MYL1: variants seen among roughly 807,000 people sequenced by gnomAD.
The protein encoded by MYL1 is myosin light chain 1/3, skeletal muscle isoform.
A neutral mutation model predicts 21.8 loss-of-function variants in MYL1; 16 were observed. That is an observed-to-expected ratio of 0.74 (90% CI 0.50 to 1.12). The LOEUF (loss-of-function observed/expected upper bound fraction) is 1.12, where lower values mean the gene tolerates loss of function less well. MYL1 is among the 50% of genes most tolerant of loss of function. The pLI is 0.00. For missense variants in MYL1, 246 were observed against 241.0 expected (o/e 1.02, Z -0.14); for synonymous variants, 99 against 85.2 (o/e 1.16, Z -0.89).
At chr2:210,307,915 G>T (rs926528258) in intron 1 of MYL1, among the ~76,000 whole-genome samples, 1 of 152,008 alleles carries the variant, frequency 6.6e-6, no homozygotes, top group Non-Finnish European at 1.5e-5. Context: ...ATATTAAAAC[G>T]CTGTTAATCA....
chr2:210,307,824 T>C (rs185592524), intron 1 of MYL1, among the ~76,000 whole-genome samples: 156 of 152,326 alleles, frequency 1.0e-3, no homozygotes, highest in African/African-American at 3.5e-3. Context: ...AGATAATGTA[T>C]ATATTAGGTT....
rs36073440 is a variant in MYL1, at chr2:210,296,991, TTGTG to T, written c.304+1425_304+1428del. Reference sequence around the variant, plus strand: ...TTTTTTATGGTTAAATAGTATTCCATTGTGTGTGTGTGTGTGTGTGTGTGTACAT... The same window carrying T: ...TTTTTTATGGTTAAATAGTATTCCATTGTGTGTGTGTGTGTGTGTGTACAT... On this transcript the variant is annotated intron_variant, in intron 3 of 6. Transcript: ENST00000352451. 4.5e-3 allele frequency among the ~76,000 whole-genome samples: 641 copies of T among 143,160 alleles called. 5 individuals carry two copies. The highest frequency in any genetic ancestry group is 0.014 in the African/African-American group (530 of 39,134). The allele number at this position is 143,160 out of a possible 152,430, so 93.9% of individuals were successfully genotyped here.
intron 1 of MYL1, among the ~76,000 whole-genome samples, chr2:210,308,286 C>A (rs757324582): frequency 6.6e-6 from 1 of 150,804 alleles, no homozygotes; most frequent in Non-Finnish European, 1.5e-5. Flanking sequence ...CCATAAAAGG[C>A]CAGGAAAAGC....
In MYL1 at chr2:210,307,076, G is replaced by T. The variant is rs372871269; in HGVS notation, c.133-4561C>A. On this transcript the variant is annotated intron_variant, in intron 1 of 6. Coordinates refer to ENST00000352451, the MANE Select transcript of MYL1 (RefSeq NM_079420.3). ...AGAAATTAAATATGCAACAAGCCCTGATAACATTTGTTTCCCTTGAAAGAA... is the reference window on the plus strand; with the variant it reads ...AGAAATTAAATATGCAACAAGCCCTTATAACATTTGTTTCCCTTGAAAGAA... Among the ~76,000 whole-genome samples the T allele has an allele frequency of 2.6e-5, 4 of 152,232 alleles. No homozygotes were observed. In the East Asian group the frequency reaches 7.7e-4, roughly 29 times the overall value.
chr2:210,302,536 AC>A lies in MYL1; in HGVS notation c.133-22del. 3 of 1,606,764 alleles carry A rather than the reference AC, an allele frequency of 1.9e-6. No individual in the cohort carries two copies. In the South Asian group the frequency reaches 3.4e-5, roughly 18 times the overall value. On this transcript the variant is annotated intron_variant, in intron 1 of 6. Transcript: ENST00000352451. ...TCGATCTGTTAGAAAGAAATTGACC[AC>A]AAAGAATGTTTTAACCAAACAAAAA...
intron 4 of MYL1, 95 bp downstream of exon 4, chr2:210,294,150 G>T: frequency 7.9e-7 from 1 of 1,262,902 alleles, no homozygotes; most frequent in South Asian, 1.8e-5. Flanking sequence ...TCCCTTTGTA[G>T]TCTTTCCTCC....
At chr2:210,300,118 A>G (rs1690241541) in intron 2 of MYL1, among the ~76,000 whole-genome samples, 1 of 152,174 alleles carries the variant, frequency 6.6e-6, no homozygotes, top group Non-Finnish European at 1.5e-5. Flanking sequence ...TCTAAGGGAC[A>G]TGTGAAACTG....
intron 2 of MYL1, among the ~76,000 whole-genome samples, chr2:210,299,983 G>C (rs1020342275): frequency 3.3e-5 from 5 of 152,068 alleles, no homozygotes; most frequent in African/African-American, 7.2e-5. Context: ...TACAGATCAT[G>C]TTACCATTAT....
At chr2:210,303,638 T>C in intron 1 of MYL1, 5 of 1,554,016 alleles carry the variant, frequency 3.2e-6, no homozygotes, top group Non-Finnish European at 4.3e-6. Context: ...GGCTGAGGCT[T>C]CCTTTTATTT....
Position 210,314,942 on chromosome 2 carries a change from T to C in MYL1, c.101A>G (p.Lys34Arg), listed in dbSNP as rs762755983. Reference sequence around the variant, plus strand: ...GGCAGAGAGGTCAATTTTTTCTTCTTTGGGTTTGGCTGGGGCAGGGGCAGG... The same window carrying C: ...GGCAGAGAGGTCAATTTTTTCTTCTCTGGGTTTGGCTGGGGCAGGGGCAGG... ...PAPAPAPAKP[K>R]EEKIDLSAIK... Residue 34 changes from lysine to arginine, a missense_variant, in exon 1 of 7, where the codon AAA (lysine) becomes AGA (arginine). By Grantham distance (26) the Lys-to-Arg change is conservative (BLOSUM62 2). Transcript: ENST00000352451. The C allele has an allele frequency of 6.2e-7, 1 of 1,613,912 alleles. No individual in the cohort carries two copies. The highest frequency in any genetic ancestry group is 1.1e-5 in the South Asian group (1 of 91,078).
At chr2:210,297,142 C>T (rs1027438477) in intron 3 of MYL1, among the ~76,000 whole-genome samples, 1 of 151,434 alleles carries the variant, frequency 6.6e-6, no homozygotes, top group African/African-American at 2.4e-5. Flanking sequence ...CATGAGAATA[C>T]AGACTTTTTT....
At chr2:210,294,658 A>C (rs1575702100) in intron 3 of MYL1, among the ~76,000 whole-genome samples, 1 of 152,212 alleles carries the variant, frequency 6.6e-6, no homozygotes, top group South Asian at 2.1e-4. Flanking sequence ...GCTCTAGTTA[A>C]CCTTTTTGTG....
rs1285604617 is a variant in MYL1, at chr2:210,308,164, G to A, written c.133-5649C>T. 2.0e-5 allele frequency among the ~76,000 whole-genome samples: 3 copies of A among 151,748 alleles called. No individual in the cohort carries two copies. In the East Asian group the frequency reaches 5.8e-4, roughly 29 times the overall value. ...CCAGTTTTCAATCAAAGAAAACACT[G>A]CTGTGTGCTCTCTGATTTAACGCCT... is the stretch of plus-strand genomic sequence containing the variant. On this transcript the variant is annotated intron_variant, in intron 1 of 6. Coordinates refer to ENST00000352451, the MANE Select transcript of MYL1 (RefSeq NM_079420.3).
intron 1 of MYL1, among the ~76,000 whole-genome samples, chr2:210,306,067 A>T (rs1006745518): frequency 9.3e-6 from 1 of 107,726 alleles, no homozygotes; most frequent in Non-Finnish European, 1.9e-5. Flanking sequence ...TCACAAAAAA[A>T]AAATAAATTA....
rs28365915 is a variant in MYL1 at position 210,303,635 on chromosome 2, G to A, written c.133-1120C>T. On this transcript the variant is annotated intron_variant, in intron 1 of 6. Transcript: ENST00000352451. ...CTGAGTGGGGTCATCCCTGGCTGAG[G>A]CTTCCTTTTATTTCTGGGCAAGCTT... The A allele has an allele frequency of 1.1e-3, 1,719 of 1,556,380 alleles. 35 individuals are homozygous for A. The East Asian group carries it at 0.034, about 31-fold the overall frequency.
chr2:210,291,039 G>C lies in MYL1; in HGVS notation c.*7C>G. ...GAGGGAACTGGTATATACCTTGAGAGCTCCATTCAGATAGACATGATGTGC... is the reference window on the plus strand; with the variant it reads ...GAGGGAACTGGTATATACCTTGAGACCTCCATTCAGATAGACATGATGTGC... On this transcript the variant is annotated 3_prime_UTR_variant, in exon 6 of 7. Transcript: ENST00000352451. 4 of 1,605,362 alleles carry C rather than the reference G, an allele frequency of 2.5e-6. No individual in the cohort carries two copies. Among genetic ancestry groups the C allele is most frequent in the Non-Finnish European group, 2.6e-6 (3 of 1,173,182 alleles).
intron 1 of MYL1, chr2:210,303,689 A>G: frequency 1.6e-6 from 2 of 1,226,948 alleles, no homozygotes; most frequent in Non-Finnish European, 2.2e-6. Context: ...CAGGTTTCAG[A>G]GATAAGTTGC....
At chr2:210,303,100 A>C in intron 1 of MYL1, 1 of 398,710 alleles carries the variant, frequency 2.5e-6, no homozygotes, top group Non-Finnish European at 4.5e-6. Context: ...ACAGATATAC[A>C]CATTAAAAAG....
chr2:210,292,743 T>C (rs1409229015), intron 5 of MYL1, among the ~76,000 whole-genome samples: 3 of 152,212 alleles, frequency 2.0e-5, no homozygotes, highest in Non-Finnish European at 4.4e-5. Flanking sequence ...TTGTGCTCTT[T>C]ATGTTTTTAG....
Sources: gnomAD v4.1 joint callset for allele counts (sites outside exome capture counted in the v4.1 genomes callset) on GRCh38, gnomAD v4.1.1 for gene constraint, MANE v1.5 for transcripts, NCBI Gene and HGNC (gene_info 2026-07-23, HGNC 2026-07-21) for gene names.